Variants in AGAP1 observed in about 807,000 individuals in gnomAD.
AGAP1 encodes ArfGAP with GTPase domain, ankyrin repeat and PH domain 1.
AGAP1 carries 29 observed loss-of-function variants against 105.3 expected under a neutral mutation model. The observed-to-expected ratio is 0.28, with a 90% CI of 0.21 to 0.38. The LOEUF is 0.38. Among genes scored for constraint, AGAP1 ranks in the 10% least tolerant of loss-of-function variants. The pLI, the probability that AGAP1 is intolerant of heterozygous loss-of-function variation, is 1.00. For missense variants in AGAP1, 998 were observed against 1,165.1 expected, an observed-to-expected ratio of 0.86 and a Z score of 2.09; for synonymous variants, 509 against 485.9, an observed-to-expected ratio of 1.05 and a Z score of -0.63.
At chr2:235,509,221 CTGT>C (rs141351679) in intron 1 of AGAP1, among the ~76,000 whole-genome samples, 5,492 of 152,116 alleles carry the variant, frequency 0.036, 337 homozygotes, top group African/African-American at 0.12. Flanking sequence ...AGTGTTTTTT[CTGT>C]TGTTGTTGTT....
intron 12 of AGAP1, among the ~76,000 whole-genome samples, chr2:235,954,393 C>G (rs1386977073): frequency 2.0e-5 from 3 of 151,948 alleles, no homozygotes; most frequent in Admixed American, 1.3e-4. Context: ...AGGCTTCAGC[C>G]CTCCAAGCGC....
At chr2:235,898,553 G>C (rs1436949718) in intron 10 of AGAP1, among the ~76,000 whole-genome samples, 1 of 132,254 alleles carries the variant, frequency 7.6e-6, no homozygotes, top group Non-Finnish European at 1.5e-5. Flanking sequence ...TATCATGTCA[G>C]AATTGCTACC....
intron 3 of AGAP1, among the ~76,000 whole-genome samples, chr2:235,730,326 C>G (rs1333639640): frequency 6.6e-6 from 1 of 152,072 alleles, no homozygotes; most frequent in Non-Finnish European, 1.5e-5. Flanking sequence ...GTCCCACTTG[C>G]TTCCTGCCCT....
In AGAP1 at chr2:235,960,920, C is replaced by G. The variant is rs1478333673; in HGVS notation, c.1484-7542C>G. On this transcript the variant is annotated intron_variant, in intron 12 of 17. Transcript: ENST00000304032. The surrounding 1 kb of genome is among the most constrained non-coding windows in gnomAD (Gnocchi z 4.9). ...AGCGTGCTTGTGGCTGGTTTTAAAA[C>G]TAAGTCGCGAAATTGATACACTGCT... Among the ~76,000 whole-genome samples, 3 of 152,220 alleles carry G rather than the reference C, an allele frequency of 2.0e-5. No individual in the cohort carries two copies. Among genetic ancestry groups the G allele is most frequent in the Admixed American group, 6.5e-5 (1 of 15,282 alleles).
In AGAP1 at chr2:235,608,229, T is replaced by G. The variant is rs997300070; in HGVS notation, c.164-100950T>G. 1.3e-5 allele frequency among the ~76,000 whole-genome samples: 2 copies of G among 152,232 alleles called. No homozygotes were observed. Among genetic ancestry groups the G allele is most frequent in the Non-Finnish European group, 2.9e-5 (2 of 68,042 alleles). ...CACGTCTAGCAGTTCTTCTTCATCT[T>G]GCAGGGAAAGTGTGTTGGCAAACAT... On this transcript the variant is annotated intron_variant, in intron 1 of 17. Transcript: ENST00000304032. The surrounding 1 kb of genome is among the most constrained non-coding windows in gnomAD (Gnocchi z 5.4).
At chr2:235,735,139 A>G (rs530289901) in intron 3 of AGAP1, among the ~76,000 whole-genome samples, 2 of 152,324 alleles carry the variant, frequency 1.3e-5, no homozygotes, top group East Asian at 3.9e-4. Context: ...ATGATGTGGG[A>G]AAACAAGTGC....
intron 1 of AGAP1, among the ~76,000 whole-genome samples, chr2:235,641,185 A>C (rs924194054): frequency 2.6e-5 from 4 of 152,188 alleles, no homozygotes. Context: ...CTTTATCTGA[A>C]ACAATGCATA....
rs1340919994 is a variant in AGAP1, at chr2:236,122,680, A to G, written c.2371-1239A>G. 2.4e-5 allele frequency among the ~76,000 whole-genome samples: 3 copies of G among 123,608 alleles called. No individual in the cohort carries two copies. The Admixed American group carries it at 2.6e-4, about 11-fold the overall frequency. The allele number at this position is 123,608 out of a possible 152,430, so 81.1% of individuals were successfully genotyped here. ...CCGGGCACTGTTTCTTCCAGTGACA[A>G]TTTTTTTTTTTTTTTTTTTTGAGAC... On this transcript the variant is annotated intron_variant, in intron 17 of 17. Transcript: ENST00000304032.
At chr2:235,876,596 C>T (rs2049744209) in intron 9 of AGAP1, among the ~76,000 whole-genome samples, 2 of 152,144 alleles carry the variant, frequency 1.3e-5, no homozygotes, top group South Asian at 2.1e-4. Context: ...TCTTCTTTTC[C>T]CTCCTGGTCA....
chr2:235,708,617 ATCTT>A (rs1348691590), intron 1 of AGAP1, among the ~76,000 whole-genome samples: 1 of 152,198 alleles, frequency 6.6e-6, no homozygotes, highest in Non-Finnish European at 1.5e-5. Flanking sequence ...CTAGCACCAG[ATCTT>A]TCTTCTGAGC....
chr2:235,786,296 G>A (rs1956629656), intron 6 of AGAP1, among the ~76,000 whole-genome samples: 2 of 152,144 alleles, frequency 1.3e-5, no homozygotes, highest in Non-Finnish European at 2.9e-5. Context: ...TTTAATTGTA[G>A]CATTTGAAAT....
intron 10 of AGAP1, among the ~76,000 whole-genome samples, chr2:235,886,553 T>C (rs1010758581): frequency 6.6e-6 from 1 of 152,244 alleles, no homozygotes; most frequent in Non-Finnish European, 1.5e-5. Flanking sequence ...AATTCCATCC[T>C]TTCTCCTTCA....
At chr2:235,810,714 C>A (rs1958089912) in intron 9 of AGAP1, among the ~76,000 whole-genome samples, 1 of 152,144 alleles carries the variant, frequency 6.6e-6, no homozygotes, top group African/African-American at 2.4e-5. Context: ...TAAAGATTCC[C>A]CATCAAGAAT....
chr2:235,567,438 T>C (rs991467862), intron 1 of AGAP1, among the ~76,000 whole-genome samples: 2 of 152,176 alleles, frequency 1.3e-5, no homozygotes, highest in Admixed American at 1.3e-4. Flanking sequence ...GGTCATCCTC[T>C]GCAAGCCCCA....
In AGAP1 at chr2:235,747,058, A is replaced by C. The variant is rs1032770402; in HGVS notation, c.538+2219A>C. 9.9e-5 allele frequency among the ~76,000 whole-genome samples: 15 copies of C among 152,140 alleles called. No homozygotes were observed. Among genetic ancestry groups the C allele is most frequent in the African/African-American group, 3.1e-4 (13 of 41,420 alleles). ...GGAATTCCCAGAAGACACTCAGTGCATCCGTGGGTATGTGATAGGCATCTT... is the reference window on the plus strand; with the variant it reads ...GGAATTCCCAGAAGACACTCAGTGCCTCCGTGGGTATGTGATAGGCATCTT... On this transcript the variant is annotated intron_variant, in intron 5 of 17. Transcript: ENST00000304032. This position sits in a 1 kb window ranked among gnomAD's most constrained non-coding sequence, Gnocchi z 5.0.
Position 235,961,676 on chromosome 2 carries a change from A to C in AGAP1, c.1484-6786A>C, listed in dbSNP as rs906795510. ...TATAATCCCAGCACTTTGGGAGGCC[A>C]AGGCGGATGGATCATGAGGTCAAGA... On this transcript the variant is annotated intron_variant, in intron 12 of 17. Coordinates refer to ENST00000304032, the MANE Select transcript of AGAP1 (RefSeq NM_001037131.3). This position sits in a 1 kb window ranked among gnomAD's most constrained non-coding sequence, Gnocchi z 5.9. Among the ~76,000 whole-genome samples the C allele has an allele frequency of 1.3e-5, 2 of 152,172 alleles. No homozygotes were observed. The highest frequency in any genetic ancestry group is 4.8e-5 in the African/African-American group (2 of 41,444).
At chr2:235,761,667 C>T (rs1466527470) in intron 6 of AGAP1, among the ~76,000 whole-genome samples, 3 of 152,154 alleles carry the variant, frequency 2.0e-5, no homozygotes, top group Non-Finnish European at 4.4e-5. Flanking sequence ...TAGTGATGTA[C>T]TTTTTGACCT....
At chr2:235,834,931 T>TG (rs1959946586) in intron 9 of AGAP1, among the ~76,000 whole-genome samples, 2 of 152,154 alleles carry the variant, frequency 1.3e-5, no homozygotes. Flanking sequence ...GCAGAAAACT[T>TG]GCGGAAGCAT....
At position 235,733,263 on chromosome 2, in the gene AGAP1, C is replaced by G. The variant is rs528659446; in HGVS notation, c.311-7700C>G. Among the ~76,000 whole-genome samples the G allele has an allele frequency of 6.6e-6, 1 of 152,326 alleles. No individual in the cohort carries two copies. Among genetic ancestry groups the G allele is most frequent in the Non-Finnish European group, 1.5e-5 (1 of 68,040 alleles). ...CTCCGGAGAGCCTTTGCCGGCCATT[C>G]ACTTCCAAGGCTTTCTTATTTCCAT... On this transcript the variant is annotated intron_variant, in intron 3 of 17. Coordinates refer to ENST00000304032, the MANE Select transcript of AGAP1 (RefSeq NM_001037131.3). The surrounding 1 kb of genome is among the most constrained non-coding windows in gnomAD (Gnocchi z 5.0).
Sources: allele counts gnomAD v4.1 joint callset (sites outside exome capture counted in the v4.1 genomes callset), GRCh38; gene constraint gnomAD v4.1.1; non-coding constraint Gnocchi (gnomAD v3.1); transcripts MANE v1.5; gene names NCBI Gene and HGNC (gene_info 2026-07-23, HGNC 2026-07-21).